The following RNF130 variants were observed in gnomAD, a reference collection of about 807,000 sequenced individuals.
RNF130 encodes E3 ubiquitin-protein ligase RNF130.
RNF130 carries 21 observed loss-of-function variants against 44.6 expected under a neutral mutation model. The observed-to-expected ratio is 0.47, with a 90% CI of 0.33 to 0.68. RNF130 has a LOEUF of 0.68. RNF130 is among the 30% of genes least tolerant of loss of function. RNF130 has a pLI of 0.02. For synonymous variants in RNF130, 214 were observed against 210.4 expected (o/e 1.02, Z -0.15); for missense variants, 479 against 560.6 (o/e 0.85, Z 1.47).
chr5:180,071,338 G>A, intron 1 of RNF130, 118 bp downstream of exon 1: 1 of 1,017,096 alleles, frequency 9.8e-7, no homozygotes, highest in Non-Finnish European at 1.3e-6. Context: ...ACCCTGGCTG[G>A]GGCTGTCGGC....
chr5:179,984,291 G>T (rs1413622029), intron 3 of RNF130, among the ~76,000 whole-genome samples: 1 of 151,972 alleles, frequency 6.6e-6, no homozygotes. Flanking sequence ...TACTTACTGT[G>T]CTGGCTAGAA....
At chr5:180,010,810 C>T (rs1349604441) in intron 3 of RNF130, among the ~76,000 whole-genome samples, 2 of 151,778 alleles carry the variant, frequency 1.3e-5, no homozygotes, top group African/African-American at 4.9e-5. Context: ...TGGTCTGTAT[C>T]CTGACCGTGT....
In RNF130 at chr5:180,040,316, G is replaced by A. The variant is rs1764377130; in HGVS notation, c.442+137C>T. The A allele has an allele frequency of 5.3e-6, 4 of 752,438 alleles. No individual in the cohort carries two copies. The East Asian group carries it at 1.0e-4, about 20-fold the overall frequency. 46.6% of individuals were successfully genotyped at this position (752,438 alleles called of 1,614,324 possible). A position where few individuals can be genotyped will look rare whatever the true frequency, so the allele number is the denominator to read the frequency against. ...AAATTCAACTATGGGGAAAAAACAT[G>A]CATCCCAACAAACAAATGGCAATAC... On this transcript the variant is annotated intron_variant, in intron 2 of 8. Coordinates refer to ENST00000521389, the MANE Select transcript of RNF130 (RefSeq NM_018434.6).
intron 7 of RNF130, among the ~76,000 whole-genome samples, chr5:179,938,650 A>G (rs576470447): frequency 2.6e-5 from 4 of 152,320 alleles, no homozygotes; most frequent in Admixed American, 1.3e-4. Flanking sequence ...TTAACATTAT[A>G]TATTTAAATA....
chr5:179,936,876 A>C (rs1761896979), intron 7 of RNF130, among the ~76,000 whole-genome samples: 1 of 152,206 alleles, frequency 6.6e-6, no homozygotes, highest in Admixed American at 6.5e-5. Context: ...TCTCTTCAAG[A>C]AATGGTATTG....
At chr5:179,992,880 C>T (rs1198395176) in intron 3 of RNF130, among the ~76,000 whole-genome samples, 3 of 152,162 alleles carry the variant, frequency 2.0e-5, no homozygotes, top group Non-Finnish European at 4.4e-5. Context: ...CCTCTTCCCC[C>T]CAACCCATGA....
chr5:180,020,938 A>G (rs1164387216), intron 2 of RNF130, among the ~76,000 whole-genome samples: 1 of 152,174 alleles, frequency 6.6e-6, no homozygotes, highest in African/African-American at 2.4e-5. Flanking sequence ...AGTTCTGTCC[A>G]CAGGTCACCT....
rs761949066 is a variant in RNF130, at chr5:180,071,681, C to G, written c.22G>C (p.Gly8Arg). 4.7e-5 allele frequency: 66 copies of G among 1,398,028 alleles called. No individual in the cohort carries two copies. The highest frequency in any genetic ancestry group is 5.7e-5 in the Non-Finnish European group (61 of 1,071,128). 86.6% of individuals were successfully genotyped at this position (1,398,028 alleles called of 1,614,324 possible). Reference sequence around the variant, plus strand: ...GCGAGCGCGGCGAGCCGGGCAGGGCCCGCCCGCCCCGCGCAGCTCATCGTC... The same window carrying G: ...GCGAGCGCGGCGAGCCGGGCAGGGCGCGCCCGCCCCGCGCAGCTCATCGTC... MSCAGRA[G>R]PARLAALALL... Residue 8 changes from glycine (G) to arginine (R), a missense_variant, in exon 1 of 9, where the codon GGC becomes CGC. This residue lies in a region of RNF130 where 138 missense variants were observed against 126.9 expected (regional missense o/e 1.09). Coordinates refer to ENST00000521389, the MANE Select transcript of RNF130 (RefSeq NM_018434.6).
At chr5:180,056,229 G>A (rs978326286) in intron 1 of RNF130, among the ~76,000 whole-genome samples, 1 of 149,316 alleles carries the variant, frequency 6.7e-6, no homozygotes, top group Non-Finnish European at 1.5e-5. Context: ...CCTAAGTGTT[G>A]AGCCTTAAGA....
In RNF130 at chr5:180,063,365, A is replaced by C. The variant is rs892122556; in HGVS notation, c.247+8091T>G. Among the ~76,000 whole-genome samples the C allele has an allele frequency of 2.3e-4, 35 of 152,258 alleles. 1 individual carries two copies. Among genetic ancestry groups the C allele is most frequent in the African/African-American group, 8.4e-4 (35 of 41,460 alleles). ...ATGGATTAGATGTGGAATGTGAGCCAAAGAAGCAAGGATGGTCCTAATTTG... is the reference window on the plus strand; with the variant it reads ...ATGGATTAGATGTGGAATGTGAGCCCAAGAAGCAAGGATGGTCCTAATTTG... On this transcript the variant is annotated intron_variant, in intron 1 of 8. Transcript: ENST00000521389.
rs768070858 is a variant in RNF130 at position 180,071,559 on chromosome 5, G to C, written c.144C>G (p.Arg48=). The C allele has an allele frequency of 7.0e-7, 1 of 1,435,486 alleles. No individual in the cohort carries two copies. Among genetic ancestry groups the C allele is most frequent in the African/African-American group, 1.5e-5 (1 of 68,550 alleles). The allele number at this position is 1,435,486 out of a possible 1,614,324, so 88.9% of individuals were successfully genotyped here. Residue 48 remains arginine, a synonymous_variant, in exon 1 of 9, where the codon CGC becomes CGG. Transcript: ENST00000521389. ...LINVTVQEPG[R]GAPLTFRIDR... ...CGATGCGAAACGTGAGCGGGGCGCC[G>C]CGGCCGGGCTCCTGCACCGTCACGT...
chr5:179,918,662 C>T (rs1405081435), exon 8 of RNF130: 1 of 152,044 alleles, frequency 6.6e-6, no homozygotes, highest in Non-Finnish European at 1.5e-5. Flanking sequence ...AGTACGAAGA[C>T]TATCATAAAG....
chr5:180,056,366 A>G (rs1460853830), intron 1 of RNF130, among the ~76,000 whole-genome samples: 1 of 152,188 alleles, frequency 6.6e-6, no homozygotes, highest in African/African-American at 2.4e-5. Flanking sequence ...ACTATAGAGA[A>G]TGGGCTAGAA....
At chr5:180,014,952 C>A (rs55837514) in intron 2 of RNF130, among the ~76,000 whole-genome samples, 11,674 of 152,118 alleles carry the variant, frequency 0.077, 575 homozygotes, top group Middle Eastern at 0.14. Context: ...CGCCACTGCA[C>A]GCCAGCCTGG....
chr5:179,927,939 CTTTT>C (rs1761729408), intron 7 of RNF130, among the ~76,000 whole-genome samples: 1 of 152,066 alleles, frequency 6.6e-6, no homozygotes. Flanking sequence ...GGAATATATT[CTTTT>C]GTGTCTAGAC....
intron 2 of RNF130, among the ~76,000 whole-genome samples, chr5:180,036,369 C>G (rs1250595105): frequency 6.6e-6 from 1 of 152,172 alleles, no homozygotes; most frequent in Admixed American, 6.5e-5. Context: ...GCTAGCCCAC[C>G]TCTGTGAAGT....
chr5:179,960,734 G>A (rs1762308023), intron 8 of RNF130, among the ~76,000 whole-genome samples: 1 of 152,018 alleles, frequency 6.6e-6, no homozygotes, highest in Non-Finnish European at 1.5e-5. Flanking sequence ...GTGGAGTTTA[G>A]TATCAATTTT....
intron 3 of RNF130, among the ~76,000 whole-genome samples, chr5:180,001,925 CTA>C (rs1561687675): frequency 6.6e-6 from 1 of 152,220 alleles, no homozygotes; most frequent in Non-Finnish European, 1.5e-5. Context: ...AGTCACCGCT[CTA>C]TTTCTCTGGG....
chr5:179,947,153 C>T (rs1472236231), intron 7 of RNF130, among the ~76,000 whole-genome samples: 1 of 152,204 alleles, frequency 6.6e-6, no homozygotes, highest in East Asian at 1.9e-4. Context: ...CCATTCTTGC[C>T]TCCTGGTTTG....
Sources: allele counts gnomAD v4.1 joint callset (sites outside exome capture counted in the v4.1 genomes callset), GRCh38; gene constraint gnomAD v4.1.1; regional missense constraint gnomAD v4.1.1; transcripts MANE v1.5; gene names NCBI Gene and HGNC (gene_info 2026-07-23, HGNC 2026-07-21).